Variants in ROBO2 observed in about 807,000 individuals in gnomAD.
The protein encoded by ROBO2 is roundabout guidance receptor 2, also known as roundabout homolog 2.
In ROBO2, 53 loss-of-function variants were observed where a neutral mutation model predicts 160.8. That is an observed-to-expected ratio of 0.33 (90% CI 0.26 to 0.41). The LOEUF (loss-of-function observed/expected upper bound fraction) is 0.41. ROBO2 is among the 10% of genes least tolerant of loss of function. The pLI, the probability that ROBO2 is intolerant of heterozygous loss-of-function variation, is 1.00. For synonymous variants in ROBO2, 664 were observed against 611.7 expected, an observed-to-expected ratio of 1.09 and a Z score of -1.26; for missense variants, 1,577 against 1,722.4, an observed-to-expected ratio of 0.92 and a Z score of 1.49.
chr3:76,323,683 A>T (rs1576427977), intron 2 of ROBO2, among the ~76,000 whole-genome samples: 1 of 152,228 alleles, frequency 6.6e-6, no homozygotes, highest in East Asian at 1.9e-4. Flanking sequence ...CCAAAACCAG[A>T]TGGCAAGAAA....
chr3:75,949,996 C>G (rs570688639), intron 2 of ROBO2, among the ~76,000 whole-genome samples: 1 of 146,026 alleles, frequency 6.8e-6, no homozygotes, highest in South Asian at 2.2e-4. Context: ...GAATCTGTGT[C>G]AATGGTTTTA....
intron 2 of ROBO2, among the ~76,000 whole-genome samples, chr3:76,473,498 C>T (rs2078775953): frequency 6.6e-6 from 1 of 152,040 alleles, no homozygotes; most frequent in Non-Finnish European, 1.5e-5. Context: ...GATTTACATT[C>T]TAGTGAATGA....
chr3:76,834,811 A>T (rs1436903615), intron 2 of ROBO2, among the ~76,000 whole-genome samples: 1 of 152,206 alleles, frequency 6.6e-6, no homozygotes, highest in Admixed American at 6.5e-5. Flanking sequence ...AGATATAGAC[A>T]TGCAATCATT....
intron 2 of ROBO2, among the ~76,000 whole-genome samples, chr3:76,785,533 T>C (rs1355660345): frequency 6.6e-6 from 1 of 151,304 alleles, no homozygotes; most frequent in Non-Finnish European, 1.5e-5. Context: ...TGTAGTGCTA[T>C]GGCAATGGAC....
intron 2 of ROBO2, among the ~76,000 whole-genome samples, chr3:76,653,591 A>G (rs1029472925): frequency 3.3e-5 from 5 of 151,940 alleles, no homozygotes; most frequent in Admixed American, 2.6e-4. Context: ...TTTTTAAATT[A>G]TACACACAGA....
intron 2 of ROBO2, among the ~76,000 whole-genome samples, chr3:76,056,131 TA>T (rs1490252426): frequency 6.6e-6 from 1 of 152,166 alleles, no homozygotes; most frequent in Non-Finnish European, 1.5e-5. Flanking sequence ...GTATAACAAC[TA>T]CATAGCATTC....
chr3:76,192,812 T>C (rs1462490766), intron 2 of ROBO2, among the ~76,000 whole-genome samples: 1 of 152,200 alleles, frequency 6.6e-6, no homozygotes. Flanking sequence ...TTCATCTCTC[T>C]ACAGCTTTAC....
At chr3:76,799,233 CA>C (rs34562249) in intron 2 of ROBO2, among the ~76,000 whole-genome samples, 9 of 147,688 alleles carry the variant, frequency 6.1e-5, no homozygotes, top group African/African-American at 1.5e-4. Context: ...AAAAACAAAA[CA>C]AAAAAAAAAC....
chr3:76,384,945 C>T (rs1014416695), intron 2 of ROBO2, among the ~76,000 whole-genome samples: 1 of 152,130 alleles, frequency 6.6e-6, no homozygotes, highest in Non-Finnish European at 1.5e-5. Flanking sequence ...AGGCCAGAGA[C>T]CATATTTCAG....
At chr3:76,957,030 G>T (rs1002246887) in intron 2 of ROBO2, among the ~76,000 whole-genome samples, 1 of 151,974 alleles carries the variant, frequency 6.6e-6, no homozygotes, top group Non-Finnish European at 1.5e-5. Context: ...CAAATCTTAC[G>T]TTTAGGCACA....
chr3:76,994,600 G>GT, intron 2 of ROBO2, among the ~76,000 whole-genome samples: 1 of 151,786 alleles, frequency 6.6e-6, no homozygotes, highest in African/African-American at 2.4e-5. Context: ...ATTCTTATTT[G>GT]TTTTTTTAGC....
At chr3:77,060,373 G>A (rs989466895) in intron 1 of ROBO2, among the ~76,000 whole-genome samples, 5 of 152,150 alleles carry the variant, frequency 3.3e-5, no homozygotes, top group Non-Finnish European at 5.9e-5. Context: ...TCCGCATCTA[G>A]TCCATTCTAC....
chr3:76,399,962 C>T (rs1326446430), intron 2 of ROBO2, among the ~76,000 whole-genome samples: 1 of 151,604 alleles, frequency 6.6e-6, no homozygotes, highest in African/African-American at 2.4e-5. Context: ...GGCTTTACTC[C>T]ATAAATTCAG....
chr3:76,909,473 G>C (rs574362326), intron 2 of ROBO2, among the ~76,000 whole-genome samples: 1 of 152,024 alleles, frequency 6.6e-6, no homozygotes, highest in Non-Finnish European at 1.5e-5. Flanking sequence ...ACTGTTCATG[G>C]GATGAGCACC....
intron 2 of ROBO2, among the ~76,000 whole-genome samples, chr3:77,363,852 A>G (rs980788807): frequency 1.3e-5 from 2 of 152,064 alleles, no homozygotes. Flanking sequence ...GAGAAGACGA[A>G]TTTTATTTCC....
intron 2 of ROBO2, among the ~76,000 whole-genome samples, chr3:76,785,331 A>C (rs532042832): frequency 3.9e-4 from 59 of 151,298 alleles, no homozygotes; most frequent in African/African-American, 1.4e-3. Flanking sequence ...AGGATCTGAA[A>C]ATCAATCAGC....
intron 2 of ROBO2, among the ~76,000 whole-genome samples, chr3:76,559,868 C>A (rs1194443752): frequency 6.6e-6 from 1 of 152,042 alleles, no homozygotes; most frequent in Non-Finnish European, 1.5e-5. Context: ...GGCACAAATT[C>A]TTCCCCAAGT....
At chr3:77,215,075 A>G (rs1439672580) in intron 2 of ROBO2, among the ~76,000 whole-genome samples, 5 of 151,468 alleles carry the variant, frequency 3.3e-5, no homozygotes, top group East Asian at 3.9e-4. Flanking sequence ...TGCTCTTCTC[A>G]AGGAGTATCT....
chr3:77,383,058 A>G (rs551962063), intron 2 of ROBO2, among the ~76,000 whole-genome samples: 67 of 152,326 alleles, frequency 4.4e-4, no homozygotes, highest in African/African-American at 1.5e-3. Context: ...CATAAAATAG[A>G]AACTATTTGC....
Sources: allele counts gnomAD v4.1 joint callset (sites outside exome capture counted in the v4.1 genomes callset), GRCh38; gene constraint gnomAD v4.1.1; transcripts MANE v1.5; gene names NCBI Gene and HGNC (gene_info 2026-07-23, HGNC 2026-07-21).